BTBD19: variants seen among roughly 807,000 people sequenced by gnomAD.
BTBD19 encodes the protein BTB domain containing 19.
BTBD19 carries 20 observed loss-of-function variants against 36.1 expected under a neutral mutation model. The observed-to-expected ratio is 0.55, with a 90% CI of 0.39 to 0.80. The LOEUF is 0.80. Ranked by LOEUF, BTBD19 falls within the 30% of genes least tolerant of loss-of-function variation. BTBD19 has a pLI of 0.00. For synonymous variants in BTBD19, 157 were observed against 174.3 expected (o/e 0.90, Z 0.78); for missense variants, 325 against 389.8 (o/e 0.83, Z 1.40).
At chr1:44,808,804 C>G (rs993130168) in exon 1 of BTBD19, 2 of 1,533,100 alleles carry the variant, frequency 1.3e-6, no homozygotes, top group Admixed American at 2.0e-5. Flanking sequence ...CTCCTCCACC[C>G]CAACCCCTTC....
chr1:44,814,148 C>CTCTTTCTTTCTTTCTG (rs1557635265), downstream of BTBD19: 1,744 of 159,236 alleles, frequency 0.011, 64 homozygotes, highest in East Asian at 0.017. Flanking sequence ...CTTTTTCTTT[C>CTCTTTCTTTCTTTCTG]TCTTTCTTTC....
Position 44,813,971 on chromosome 1 carries a change from C to T in BTBD19, c.*199C>T, listed in dbSNP as rs539782439. The T allele has an allele frequency of 5.2e-5, 45 of 865,634 alleles. No individual in the cohort carries two copies. Among genetic ancestry groups the T allele is most frequent in the Non-Finnish European group, 7.0e-5 (40 of 575,456 alleles). 53.6% of individuals were successfully genotyped at this position (865,634 alleles called of 1,614,324 possible). The stretch of plus-strand genomic sequence containing the variant: ...CCGTGTGGGCGAGGTGGGGTCGGGC[C>T]GGGCAGGGCTTGGGCTGGGCCTCCC... On this transcript the variant is annotated 3_prime_UTR_variant, in exon 8 of 8. Transcript: ENST00000450269. This position sits in a 1 kb window ranked among gnomAD's most constrained non-coding sequence, Gnocchi z 7.8.
chr1:44,814,050 A>G, exon 8 of BTBD19: 1 of 563,152 alleles, frequency 1.8e-6, no homozygotes, highest in South Asian at 2.0e-5. Flanking sequence ...CCCTGACTCT[A>G]CGCCCTGCCC....
intron 1 of BTBD19, 58 bp downstream of exon 1, chr1:44,808,964 T>C (rs1652269047): frequency 5.1e-6 from 7 of 1,372,546 alleles, no homozygotes; most frequent in South Asian, 1.4e-5. Context: ...GCCCCAGGAC[T>C]CTAAGGAGGC....
rs1258254917 is a variant in BTBD19, at chr1:44,810,016, C to T, written c.87-197C>T. 2.6e-5 allele frequency among the ~76,000 whole-genome samples: 4 copies of T among 152,232 alleles called. No individual in the cohort carries two copies. Among genetic ancestry groups the T allele is most frequent in the African/African-American group, 9.7e-5 (4 of 41,448 alleles). ...CCTGAGATTCAAAGATAGGAAGTCA[C>T]TTGCCTATGGTACCCATTAGGTGGA... On this transcript the variant is annotated intron_variant, in intron 1 of 7. Transcript: ENST00000450269. This position sits in a 1 kb window ranked among gnomAD's most constrained non-coding sequence, Gnocchi z 4.2.
chr1:44,812,963 T>A, intron 4 of BTBD19, 33 bp from the exon 5 acceptor site: 3 of 1,526,320 alleles, frequency 2.0e-6, no homozygotes, highest in Non-Finnish European at 2.7e-6. Context: ...GCCTCTCCAG[T>A]CTCCAACCTG....
Position 44,810,679 on chromosome 1 carries a change from A to G in BTBD19, c.354+72A>G, listed in dbSNP as rs1309730808. ...GGGCTCACTTCCCGCCCTGCCTCAC[A>G]CACACTCTGGCCTGGAGAGGAACGT... On this transcript the variant is annotated intron_variant, in intron 3 of 7. Transcript: ENST00000450269. The surrounding 1 kb of genome is among the most constrained non-coding windows in gnomAD (Gnocchi z 4.2). The G allele has an allele frequency of 7.1e-7, 1 of 1,415,452 alleles. No individual in the cohort carries two copies. 87.7% of individuals were successfully genotyped at this position (1,415,452 alleles called of 1,614,324 possible).
At chr1:44,812,427 C>T (rs939632674) in intron 4 of BTBD19, 1 of 455,076 alleles carries the variant, frequency 2.2e-6, no homozygotes, top group Non-Finnish European at 4.4e-6. Flanking sequence ...CAAGCTGGGT[C>T]AGGCACAACG....
In BTBD19 at chr1:44,813,774, C is replaced by G; in HGVS notation, c.*2C>G. 6.4e-7 allele frequency: 1 copy of G among 1,551,430 alleles called. No individual in the cohort carries two copies. Among genetic ancestry groups the G allele is most frequent in the Non-Finnish European group, 8.7e-7 (1 of 1,146,838 alleles). ...TTTCTGGACCTGTCCTTCAAATGAT[C>G]CAACGCCGGGACTCGCAGGGAGCCC... On this transcript the variant is annotated 3_prime_UTR_variant, in exon 8 of 8. Transcript: ENST00000450269. This position sits in a 1 kb window ranked among gnomAD's most constrained non-coding sequence, Gnocchi z 7.8.
downstream of BTBD19, chr1:44,814,224 CTCT>C (rs1557635869): frequency 4.5e-4 from 53 of 117,522 alleles, no homozygotes; most frequent in Middle Eastern, 4.5e-3. Context: ...TTCTTTCTTT[CTCT>C]TTCCTTCCTT....
rs1030680853 is a variant in BTBD19, at chr1:44,810,957, C to T, written c.354+350C>T. On this transcript the variant is annotated intron_variant, in intron 3 of 7. Transcript: ENST00000450269. This position sits in a 1 kb window ranked among gnomAD's most constrained non-coding sequence, Gnocchi z 4.2. ...GATAGAGGCCGGGCGCAGTGGCTCA[C>T]GCCTGTAATCCCAGCACTTTGGGAA... 2.6e-5 allele frequency among the ~76,000 whole-genome samples: 4 copies of T among 152,116 alleles called. No homozygotes were observed. Among genetic ancestry groups the T allele is most frequent in the South Asian group, 2.1e-4 (1 of 4,828 alleles).
exon 1 of BTBD19, chr1:44,808,700 T>G (rs1652250426): frequency 1.5e-6 from 1 of 681,926 alleles, no homozygotes; most frequent in South Asian, 2.1e-5. Context: ...AAACTTCAGC[T>G]TCTCAGCAAA....
chr1:44,814,244 T>TTCCA (rs932057450), downstream of BTBD19: 6 of 144,888 alleles, frequency 4.1e-5, no homozygotes, highest in African/African-American at 1.8e-4. Flanking sequence ...CCTTCCTTCC[T>TTCCA]TCCTTCCTTC....
chr1:44,812,583 G>C (rs1573626682), intron 4 of BTBD19: 1 of 402,744 alleles, frequency 2.5e-6, no homozygotes, highest in South Asian at 1.9e-5. Flanking sequence ...CATGCTCCCA[G>C]CTACTCTGGA....
Position 44,813,508 on chromosome 1 carries a change from G to C in BTBD19, c.741+9G>C. The stretch of plus-strand genomic sequence containing the variant: ...AGGAACCACTCATCCCGGTGGGGAC[G>C]CGGGGAACCGGCCCAGCTCCACTCA... On this transcript the variant is annotated intron_variant, in intron 7 of 7. Transcript: ENST00000450269. The surrounding 1 kb of genome is among the most constrained non-coding windows in gnomAD (Gnocchi z 7.8). The C allele has an allele frequency of 1.3e-6, 2 of 1,550,054 alleles. No individual in the cohort carries two copies. The highest frequency in any genetic ancestry group is 2.4e-5 in the South Asian group (2 of 83,878).
rs1256952685 is a variant in BTBD19 at position 44,813,612 on chromosome 1, G to A, written c.742-26G>A. 6.5e-7 allele frequency: 1 copy of A among 1,544,710 alleles called. No individual in the cohort carries two copies. The highest frequency in any genetic ancestry group is 2.5e-5 in the East Asian group (1 of 40,728). ...CGGGGCGAGGGGCCACCGCGGGACT[G>A]CGCACTAACTGGCCTTGCTCTGCAG... On this transcript the variant is annotated intron_variant, in intron 7 of 7. Coordinates refer to ENST00000450269, the Ensembl canonical transcript of BTBD19. The surrounding 1 kb of genome is among the most constrained non-coding windows in gnomAD (Gnocchi z 7.8).
At chr1:44,815,325 A>C (rs914785438), downstream of BTBD19, 1 of 152,126 alleles carries the variant, frequency 6.6e-6, no homozygotes, top group African/African-American at 2.4e-5. Flanking sequence ...GTGGTTCCTC[A>C]CCTCTTCTCT....
chr1:44,812,293 G>A lies in BTBD19; in HGVS notation c.414+195G>A, dbSNP rs577135075. Among the ~76,000 whole-genome samples, 4 of 152,240 alleles carry A rather than the reference G, an allele frequency of 2.6e-5. No individual in the cohort carries two copies. In the South Asian group the frequency reaches 6.2e-4, roughly 24 times the overall value. ...GTGGGATCCTGGGTGTATCAGCAGG[G>A]TCAGGTGCAGGAGCAGGTGTTGAAG... On this transcript the variant is annotated intron_variant, in intron 4 of 7. Coordinates refer to ENST00000450269, the Ensembl canonical transcript of BTBD19.
chr1:44,812,436 C>T (rs564036864), intron 4 of BTBD19: 45 of 454,890 alleles, frequency 9.9e-5, no homozygotes, highest in Non-Finnish European at 1.5e-4. Context: ...TCAGGCACAA[C>T]GGCTCACACC....
Sources: allele counts gnomAD v4.1 joint callset (sites outside exome capture counted in the v4.1 genomes callset), GRCh38; gene constraint gnomAD v4.1.1; non-coding constraint Gnocchi (gnomAD v3.1); transcripts MANE v1.5; gene names NCBI Gene and HGNC (gene_info 2026-07-23, HGNC 2026-07-21).